KDM4C: variants seen among roughly 807,000 people sequenced by gnomAD.
KDM4C encodes the protein lysine-specific demethylase 4C.
In KDM4C, 81 loss-of-function variants were observed where a neutral mutation model predicts 129.3. The observed-to-expected ratio is 0.63, with a 90% confidence interval of 0.52 to 0.75. The LOEUF is 0.75. Ranked by LOEUF, KDM4C falls within the 30% of genes least tolerant of loss-of-function variation. The probability of loss-of-function intolerance (pLI) is 0.00; values close to 1 mark genes in which losing one functional copy is unlikely to be tolerated. For missense variants in KDM4C, 1,457 were observed against 1,304.0 expected (o/e 1.12, Z -1.81); for synonymous variants, 573 against 456.1 (o/e 1.26, Z -3.26).
chr9:6,994,502 T>C (rs1819337538), intron 12 of KDM4C, among the ~76,000 whole-genome samples: 1 of 152,208 alleles, frequency 6.6e-6, no homozygotes, highest in Non-Finnish European at 1.5e-5. Context: ...GTTTGTTATT[T>C]GTCTGTCCGT....
chr9:6,837,029 G>T lies in KDM4C; in HGVS notation c.436-12478G>T, dbSNP rs538969009. ...TGTTGAATTGCTTTTCTAAGAGTTT[G>T]TATCACTTTATATTCCTTTAGCACT... On this transcript the variant is annotated intron_variant, in intron 4 of 21. Coordinates refer to ENST00000381309, the MANE Select transcript of KDM4C (RefSeq NM_015061.6). Among the ~76,000 whole-genome samples, 10 of 152,200 alleles carry T rather than the reference G, an allele frequency of 6.6e-5. No homozygotes were observed. The South Asian group carries it at 2.1e-3, about 32-fold the overall frequency.
At chr9:6,797,142 G>C (rs981453740) in intron 2 of KDM4C, among the ~76,000 whole-genome samples, 27 of 151,820 alleles carry the variant, frequency 1.8e-4, no homozygotes, top group African/African-American at 6.3e-4. Flanking sequence ...CCCACGCCTG[G>C]GTAATTTTTT....
intron 3 of KDM4C, among the ~76,000 whole-genome samples, chr9:6,806,859 G>GCTCTCCCTCTCCGTCTCCGTCTCC (rs1830062781): frequency 6.8e-6 from 1 of 146,670 alleles, no homozygotes; most frequent in African/African-American, 2.6e-5. Flanking sequence ...ACACACTGTT[G>GCTCTCCCTCTCCGTCTCCGTCTCC]CTCTCCCTCT....
rs374731479 is a variant in KDM4C, at chr9:6,742,761, C to T, written c.49+21764C>T. Among the ~76,000 whole-genome samples the T allele has an allele frequency of 2.1e-4, 32 of 151,806 alleles. No homozygotes were observed. The East Asian group carries it at 2.9e-3, about 14-fold the overall frequency. On this transcript the variant is annotated intron_variant, in intron 1 of 17. Coordinates refer to the KDM4C transcript ENST00000536108. ...GGCGATCTAAGAATCGCTTGAACCC[C>T]GGGGCCTTTGACTCTAAGGCCCTCC...
chr9:7,121,905 A>G (rs1036835909), intron 18 of KDM4C, among the ~76,000 whole-genome samples: 19 of 150,204 alleles, frequency 1.3e-4, no homozygotes, highest in Non-Finnish European at 1.9e-4. Flanking sequence ...ATGTTTTTCT[A>G]TGTTTACTTC....
chr9:7,058,149 C>T (rs748157458), intron 17 of KDM4C, among the ~76,000 whole-genome samples: 1 of 152,168 alleles, frequency 6.6e-6, no homozygotes, highest in Non-Finnish European at 1.5e-5. Context: ...GCACAGGGGC[C>T]AGCAGTCAGA....
chr9:6,982,523 G>C (rs1816948862), intron 9 of KDM4C: 1 of 152,170 alleles, frequency 6.6e-6, no homozygotes, highest in Non-Finnish European at 1.5e-5. Context: ...TGTGTATATA[G>C]TGTCACTATC....
At chr9:7,030,258 G>T (rs953068075) in intron 15 of KDM4C, among the ~76,000 whole-genome samples, 3 of 152,126 alleles carry the variant, frequency 2.0e-5, no homozygotes, top group African/African-American at 7.2e-5. Context: ...TGGTGGGTAA[G>T]AGAAATATAG....
chr9:7,074,447 A>G (rs2132856914), intron 17 of KDM4C, among the ~76,000 whole-genome samples: 1 of 152,284 alleles, frequency 6.6e-6, no homozygotes, highest in African/African-American at 2.4e-5. Context: ...GATTACGGGT[A>G]TGAGCCACTG....
chr9:6,760,861 C>T (rs959078210), intron 1 of KDM4C, among the ~76,000 whole-genome samples: 2 of 151,276 alleles, frequency 1.3e-5, no homozygotes, highest in African/African-American at 4.9e-5. Context: ...CGTGAGCCAC[C>T]GTGCCTGGCT....
intron 16 of KDM4C, among the ~76,000 whole-genome samples, chr9:7,047,945 A>G (rs536511043): frequency 6.6e-6 from 1 of 152,134 alleles, no homozygotes; most frequent in African/African-American, 2.4e-5. Flanking sequence ...ATAATTCTTT[A>G]CATGTGCACA....
chr9:7,138,436 G>A (rs1413500058), intron 19 of KDM4C, among the ~76,000 whole-genome samples: 3 of 152,156 alleles, frequency 2.0e-5, no homozygotes, highest in Non-Finnish European at 1.5e-5. Context: ...AGTACAATAT[G>A]TTGAATAATG....
In KDM4C at chr9:7,157,027, G is replaced by C. The variant is rs552289430; in HGVS notation, c.2782-8211G>C. Among the ~76,000 whole-genome samples the C allele has an allele frequency of 6.1e-3, 926 of 152,088 alleles. 7 individuals are homozygous for C. The highest frequency in any genetic ancestry group is 0.021 in the African/African-American group (881 of 41,476). The stretch of plus-strand genomic sequence containing the variant: ...ATTTGTTTGCGTCCTCTTTTATTTT[G>C]TTGAGCAGTGGTTTGTAGTTCTCCT... On this transcript the variant is annotated intron_variant, in intron 19 of 21. Transcript: ENST00000381309.
intron 4 of KDM4C, among the ~76,000 whole-genome samples, chr9:6,820,714 C>CTTTTT (rs35264767): frequency 7.9e-6 from 1 of 127,152 alleles, no homozygotes; most frequent in Non-Finnish European, 1.6e-5. Flanking sequence ...CTCTCTCTCT[C>CTTTTT]TTTTTTTTTT....
intron 17 of KDM4C, among the ~76,000 whole-genome samples, chr9:7,067,466 C>G (rs1204032634): frequency 6.6e-6 from 1 of 152,158 alleles, no homozygotes; most frequent in Admixed American, 6.5e-5. Context: ...AGAAATGTTC[C>G]ACTTAAATGA....
chr9:7,084,943 G>T (rs1048028304), intron 17 of KDM4C, among the ~76,000 whole-genome samples: 2 of 152,226 alleles, frequency 1.3e-5, no homozygotes, highest in African/African-American at 4.8e-5. Flanking sequence ...CCATGAGAGT[G>T]CCCATCAGGG....
At chr9:6,960,736 GTC>G (rs1188633464) in intron 8 of KDM4C, among the ~76,000 whole-genome samples, 3 of 152,170 alleles carry the variant, frequency 2.0e-5, no homozygotes, top group Non-Finnish European at 2.9e-5. Flanking sequence ...GCAGTAAACA[GTC>G]TCTTTCTCCA....
At chr9:6,971,238 G>T (rs1831931874) in intron 8 of KDM4C, among the ~76,000 whole-genome samples, 1 of 152,132 alleles carries the variant, frequency 6.6e-6, no homozygotes, top group Non-Finnish European at 1.5e-5. Context: ...TAGAAATATG[G>T]ATGGATAGTT....
chr9:6,800,917 C>T (rs988910597), intron 2 of KDM4C, among the ~76,000 whole-genome samples: 7 of 152,192 alleles, frequency 4.6e-5, no homozygotes, highest in East Asian at 1.9e-4. Flanking sequence ...CGTGAGCCAC[C>T]GTTCCTGGAC....
Sources: gnomAD v4.1 joint callset for allele counts (sites outside exome capture counted in the v4.1 genomes callset) on GRCh38, gnomAD v4.1.1 for gene constraint, MANE v1.5 for transcripts, NCBI Gene and HGNC (gene_info 2026-07-23, HGNC 2026-07-21) for gene names.